Variants in DSCAML1 observed in about 807,000 individuals in gnomAD.
DSCAML1 encodes DS cell adhesion molecule like 1.
Under a neutral mutation model 200.5 loss-of-function variants are expected in DSCAML1, and 38 were observed. The ratio of observed to expected loss-of-function variants is 0.19; its 90% CI spans 0.15 to 0.25. The LOEUF (loss-of-function observed/expected upper bound fraction) is 0.25, where lower values mean the gene tolerates loss of function less well. Ranked by LOEUF, DSCAML1 falls within the 10% of genes least tolerant of loss-of-function variation. DSCAML1 has a pLI of 1.00. For missense variants in DSCAML1, 2,223 were observed against 2,858.8 expected, an observed-to-expected ratio of 0.78 and a Z score of 5.07; for synonymous variants, 1,215 against 1,165.0, an observed-to-expected ratio of 1.04 and a Z score of -0.87.
At chr11:117,784,705 C>T (rs935556234) in intron 1 of DSCAML1, among the ~76,000 whole-genome samples, 2 of 152,184 alleles carry the variant, frequency 1.3e-5, no homozygotes, top group Non-Finnish European at 2.9e-5. Flanking sequence ...GACAGAACTA[C>T]CTCCCCTCTG....
Position 117,437,205 on chromosome 11 carries a change from C to G in DSCAML1, c.4637G>C (p.Trp1546Ser). The change falls in exon 26 of 33, where the codon TGG becomes TCG. Residue 1546 changes from tryptophan to serine, a missense_variant. Transcript: ENST00000651296. The surrounding 1 kb of genome is among the most constrained non-coding windows in gnomAD (Gnocchi z 5.3). The stretch of plus-strand genomic sequence containing the variant: ...GCAAGCCCTCATGCGCAGCTCGTAC[C>G]ACGTGGCCTCTCGCAGTTCCGTCAG... ...VFLTELREAT[W>S]YELRMRACNS... 1 of 1,614,228 alleles carries G rather than the reference C, an allele frequency of 6.2e-7. No homozygotes were observed. Among genetic ancestry groups the G allele is most frequent in the Non-Finnish European group, 8.5e-7 (1 of 1,180,050 alleles).
At chr11:117,698,943 A>C (rs551840279) in intron 3 of DSCAML1, among the ~76,000 whole-genome samples, 1 of 152,304 alleles carries the variant, frequency 6.6e-6, no homozygotes, top group South Asian at 2.1e-4. Context: ...ACACTTACGC[A>C]CAACACCGTA....
Position 117,438,034 on chromosome 11 carries a change from C to A in DSCAML1, c.4293G>T (p.Val1431=). The stretch of plus-strand genomic sequence containing the variant: ...AGGAGCGCTCGCTGGAGCTGATGAA[C>A]ACATCCTTCCACTCCTCGCTGTTGT... ...SVDNSEEWKD[V]FISSSERSFK... Residue 1431 remains valine, a synonymous_variant, in exon 25 of 33, where the codon GTG becomes GTT. Transcript: ENST00000651296. 6.2e-7 allele frequency: 1 copy of A among 1,614,060 alleles called. No individual in the cohort carries two copies. The highest frequency in any genetic ancestry group is 2.2e-5 in the East Asian group (1 of 44,874).
intron 3 of DSCAML1, among the ~76,000 whole-genome samples, chr11:117,629,462 G>A (rs1360890721): frequency 6.7e-6 from 1 of 148,496 alleles, no homozygotes; most frequent in Non-Finnish European, 1.5e-5. Flanking sequence ...GGAGCCCTGG[G>A]GACAAAGGAC....
intron 3 of DSCAML1, among the ~76,000 whole-genome samples, chr11:117,564,603 C>T (rs1207494341): frequency 6.6e-6 from 1 of 152,134 alleles, no homozygotes; most frequent in Non-Finnish European, 1.5e-5. Context: ...CTGCTCACTC[C>T]TTGCCTCCCT....
At position 117,780,487 on chromosome 11, in the gene DSCAML1, C is replaced by A; in HGVS notation, c.364+6G>T. 6.9e-7 allele frequency: 1 copy of A among 1,445,722 alleles called. No homozygotes were observed. The highest frequency in any genetic ancestry group is 1.6e-5 in the South Asian group (1 of 62,480). 89.6% of individuals were successfully genotyped at this position (1,445,722 alleles called of 1,614,324 possible). Reference sequence around the variant, plus strand: ...CCACTGGGGCAGCCAGTGTCTTGTCCCTTACCTGCTTTGACGCGGATGTTG... The same window carrying A: ...CCACTGGGGCAGCCAGTGTCTTGTCACTTACCTGCTTTGACGCGGATGTTG... On this transcript the variant is annotated splice_donor_region_variant and intron_variant, in intron 2 of 32. Transcript: ENST00000651296. This position sits in a 1 kb window ranked among gnomAD's most constrained non-coding sequence, Gnocchi z 4.8.
In DSCAML1 at chr11:117,547,152, G is replaced by C. The variant is rs141463138; in HGVS notation, c.512-14630C>G. Among the ~76,000 whole-genome samples, 433 of 152,192 alleles carry C rather than the reference G, an allele frequency of 2.8e-3. 6 individuals are homozygous for C. The highest frequency in any genetic ancestry group is 8.4e-3 in the African/African-American group (350 of 41,506). ...TGCTGAAATAAGCCTCTTTATTCCCGGCCCTCGTCCGCTGCACATGGCAGA... is the reference window on the plus strand; with the variant it reads ...TGCTGAAATAAGCCTCTTTATTCCCCGCCCTCGTCCGCTGCACATGGCAGA... On this transcript the variant is annotated intron_variant, in intron 3 of 32. Transcript: ENST00000651296.
At chr11:117,704,157 G>T (rs971708954) in intron 3 of DSCAML1, among the ~76,000 whole-genome samples, 1 of 149,450 alleles carries the variant, frequency 6.7e-6, no homozygotes, top group Admixed American at 6.7e-5. Context: ...AGGAGGAAGG[G>T]CGGGAAGGAA....
chr11:117,709,591 A>T (rs891922923), intron 3 of DSCAML1: 4 of 418,018 alleles, frequency 9.6e-6, no homozygotes, highest in African/African-American at 8.3e-5. Context: ...AAGGATTTTT[A>T]AATGGCTATT....
chr11:117,433,307 G>A (rs757832353), intron 28 of DSCAML1, 51 bp from the exon 29 acceptor site: 1 of 1,575,272 alleles, frequency 6.3e-7, no homozygotes, highest in Non-Finnish European at 8.7e-7. Flanking sequence ...AAGGGGTTGG[G>A]GAAGGGGGCT....
rs546545091 is a variant in DSCAML1, at chr11:117,623,864, T to C, written c.512-91342A>G. Among the ~76,000 whole-genome samples the C allele has an allele frequency of 1.8e-4, 28 of 152,300 alleles. No individual in the cohort carries two copies. The South Asian group carries it at 2.9e-3, about 16-fold the overall frequency. On this transcript the variant is annotated intron_variant, in intron 3 of 32. Coordinates refer to ENST00000651296, the MANE Select transcript of DSCAML1 (RefSeq NM_020693.4). ...CAAGTCTTCTGACACTGAGACCAGT[T>C]AGGTACTTCCATCACAGAATGCTGA...
At chr11:117,682,339 T>A (rs117493812) in intron 3 of DSCAML1, among the ~76,000 whole-genome samples, 1 of 152,138 alleles carries the variant, frequency 6.6e-6, no homozygotes, top group African/African-American at 2.4e-5. Flanking sequence ...GCTCCAGCCA[T>A]GAACTTGAAC....
intron 3 of DSCAML1, among the ~76,000 whole-genome samples, chr11:117,639,602 T>A (rs909618887): frequency 3.3e-5 from 5 of 152,038 alleles, no homozygotes; most frequent in Admixed American, 6.5e-5. Flanking sequence ...TGGGGGGACA[T>A]CCTGAAGAGG....
At position 117,780,590 on chromosome 11, in the gene DSCAML1, G is replaced by C; in HGVS notation, c.267C>G (p.Pro89=). Residue 89 remains proline (P), a synonymous_variant, in exon 2 of 33, where the codon CCC becomes CCG. Coordinates refer to ENST00000651296, the MANE Select transcript of DSCAML1 (RefSeq NM_020693.4). The surrounding 1 kb of genome is among the most constrained non-coding windows in gnomAD (Gnocchi z 4.8). ...CGTGGATAAAGCTATTGAAGGCGGA[G>C]GGGGAGAAGGGGTAGAGCTGCAGCG... ...NGTLQLYPFS[P]SAFNSFIHDN... is the part of the protein sequence containing the mutation. 1 of 1,583,230 alleles carries C rather than the reference G, an allele frequency of 6.3e-7. No individual in the cohort carries two copies. Among genetic ancestry groups the C allele is most frequent in the Non-Finnish European group, 8.6e-7 (1 of 1,163,170 alleles).
At chr11:117,431,926 G>T (rs955298064) in intron 30 of DSCAML1, among the ~76,000 whole-genome samples, 198 bp from the exon 31 acceptor site, 16 of 152,256 alleles carry the variant, frequency 1.1e-4, no homozygotes, top group Admixed American at 5.9e-4. Flanking sequence ...GTTGGGGAGG[G>T]GGCAGTGGAG....
chr11:117,685,484 T>A (rs548637850), intron 3 of DSCAML1, among the ~76,000 whole-genome samples: 2 of 151,914 alleles, frequency 1.3e-5, no homozygotes, highest in South Asian at 4.2e-4. Flanking sequence ...CCAGGTAGAG[T>A]GATGGGGCAC....
rs540178468 is a variant in DSCAML1, at chr11:117,573,771, A to G, written c.512-41249T>C. 2.6e-5 allele frequency among the ~76,000 whole-genome samples: 4 copies of G among 152,324 alleles called. No homozygotes were observed. In the South Asian group the frequency reaches 8.3e-4, roughly 32 times the overall value. On this transcript the variant is annotated intron_variant, in intron 3 of 32. Transcript: ENST00000651296. ...GACAGCCAAAGGGTGGTATCTCAAG[A>G]AGAGCATTGAAGGAGGATGCAGGCA...
chr11:117,587,824 AGAGT>A (rs1565809308), intron 3 of DSCAML1, among the ~76,000 whole-genome samples: 3 of 152,062 alleles, frequency 2.0e-5, no homozygotes, highest in African/African-American at 7.2e-5. Context: ...CATCAGCTGC[AGAGT>A]GAGCTCCCTC....
chr11:117,614,106 A>G (rs2051759105), intron 3 of DSCAML1, among the ~76,000 whole-genome samples: 1 of 152,050 alleles, frequency 6.6e-6, no homozygotes, highest in African/African-American at 2.4e-5. Context: ...CCCTGGAGAG[A>G]GATATATATG....
Sources: gnomAD v4.1 joint callset for allele counts (sites outside exome capture counted in the v4.1 genomes callset) on GRCh38, gnomAD v4.1.1 for gene constraint, Gnocchi (gnomAD v3.1) non-coding constraint, MANE v1.5 for transcripts, NCBI Gene and HGNC (gene_info 2026-07-23, HGNC 2026-07-21) for gene names.